The following TCF4 variants were observed in gnomAD, a reference collection of about 807,000 sequenced individuals.
The protein encoded by TCF4 is transcription factor 4.
TCF4 carries 3 observed loss-of-function variants against 82.1 expected under a neutral mutation model. The observed-to-expected ratio is 0.04, with a 90% confidence interval of 0.02 to 0.09. The LOEUF is 0.09. TCF4 is among the 10% of genes least tolerant of loss of function. The probability of loss-of-function intolerance (pLI) is 1.00; values close to 1 mark genes in which losing one functional copy is unlikely to be tolerated. For synonymous variants in TCF4, 276 were observed against 309.6 expected, an observed-to-expected ratio of 0.89 and a Z score of 1.14; for missense variants, 518 against 852.7, an observed-to-expected ratio of 0.61 and a Z score of 4.89.
chr18:55,494,111 T>A (rs917958666), intron 3 of TCF4, among the ~76,000 whole-genome samples: 19 of 151,094 alleles, frequency 1.3e-4, no homozygotes, highest in African/African-American at 4.4e-4. Context: ...ACAGCTAGAT[T>A]TTTACTTCTC....
intron 3 of TCF4, among the ~76,000 whole-genome samples, chr18:55,563,842 A>T (rs1436584281): frequency 6.6e-6 from 1 of 152,248 alleles, no homozygotes; most frequent in African/African-American, 2.4e-5. Flanking sequence ...CAAAAATTAT[A>T]ATATCATCAG....
intron 5 of TCF4, among the ~76,000 whole-genome samples, chr18:55,440,384 C>T (rs1291597381): frequency 6.6e-6 from 1 of 152,040 alleles, no homozygotes; most frequent in East Asian, 1.9e-4. Context: ...TTCTTCTCAC[C>T]CCTTGATCAC....
chr18:55,441,612 G>A (rs1434182821), intron 5 of TCF4, among the ~76,000 whole-genome samples: 1 of 152,158 alleles, frequency 6.6e-6, no homozygotes, highest in Non-Finnish European at 1.5e-5. Flanking sequence ...GCTTGAGCTA[G>A]ATGGTAGATA....
chr18:55,509,959 G>A (rs2096807278), intron 3 of TCF4, among the ~76,000 whole-genome samples: 1 of 152,166 alleles, frequency 6.6e-6, no homozygotes, highest in South Asian at 2.1e-4. Flanking sequence ...GAAAATGCCT[G>A]GGAAAATGAT....
chr18:55,567,799 C>A (rs572373268), intron 3 of TCF4, among the ~76,000 whole-genome samples: 3 of 151,950 alleles, frequency 2.0e-5, no homozygotes, highest in African/African-American at 4.8e-5. Context: ...TCTTCTGAAG[C>A]ACACAATGGA....
chr18:55,336,473 A>C (rs1473296731), intron 8 of TCF4, among the ~76,000 whole-genome samples: 1 of 152,164 alleles, frequency 6.6e-6, no homozygotes, highest in Non-Finnish European at 1.5e-5. Context: ...TGTTAAAATA[A>C]ATGGCAAATG....
At chr18:55,484,036 A>T (rs1260361321) in intron 3 of TCF4, among the ~76,000 whole-genome samples, 1 of 152,212 alleles carries the variant, frequency 6.6e-6, no homozygotes, top group Non-Finnish European at 1.5e-5. Context: ...CCTCAAGGCA[A>T]GTTATTGGAA....
chr18:55,279,409 G>T, intron 9 of TCF4, 142 bp downstream of exon 9: 1 of 1,268,788 alleles, frequency 7.9e-7, no homozygotes, highest in Non-Finnish European at 1.1e-6. Context: ...CAATTTTTAA[G>T]GAATTCAATT....
At chr18:55,321,288 T>C (rs935152483) in intron 8 of TCF4, 6 of 233,622 alleles carry the variant, frequency 2.6e-5, no homozygotes, top group African/African-American at 1.4e-4. Flanking sequence ...TTGGGCTTTC[T>C]CAATTCTGCT....
chr18:55,398,480 T>C (rs1159657066), intron 6 of TCF4, among the ~76,000 whole-genome samples: 1 of 152,088 alleles, frequency 6.6e-6, no homozygotes, highest in East Asian at 1.9e-4. Context: ...TATACAGGCC[T>C]AGAACAGTGA....
chr18:55,369,846 T>A lies in TCF4; in HGVS notation c.370-18843A>T, dbSNP rs2088428701. Among the ~76,000 whole-genome samples the A allele has an allele frequency of 2.6e-5, 4 of 152,230 alleles. No individual in the cohort carries two copies. In the South Asian group the frequency reaches 8.3e-4, roughly 32 times the overall value. ...TTTAGCTACTGCTGAAATATCAGCTTGTCAATCTGCAGAAAGGAGCTGGGC... is the reference window on the plus strand; with the variant it reads ...TTTAGCTACTGCTGAAATATCAGCTAGTCAATCTGCAGAAAGGAGCTGGGC... On this transcript the variant is annotated intron_variant, in intron 6 of 19. Transcript: ENST00000354452.
chr18:55,350,215 G>A (rs2082043081), intron 8 of TCF4, 144 bp downstream of exon 8: 1 of 805,864 alleles, frequency 1.2e-6, no homozygotes, highest in Non-Finnish European at 2.1e-6. Context: ...GTGGCTGGAT[G>A]TGCAGGTCAT....
At chr18:55,368,684 A>C (rs1413144296) in intron 6 of TCF4, among the ~76,000 whole-genome samples, 1 of 152,220 alleles carries the variant, frequency 6.6e-6, no homozygotes, top group East Asian at 1.9e-4. Context: ...AGAAGCAATA[A>C]GCCAAATCCA....
intron 3 of TCF4, among the ~76,000 whole-genome samples, chr18:55,559,159 A>C (rs1309399311): frequency 6.6e-6 from 1 of 151,826 alleles, no homozygotes; most frequent in East Asian, 1.9e-4. Context: ...GCAAAAAAAA[A>C]AAAAAAAAAG....
chr18:55,248,611 G>A (rs894536958), intron 15 of TCF4, among the ~76,000 whole-genome samples: 3 of 152,208 alleles, frequency 2.0e-5, no homozygotes, highest in African/African-American at 4.8e-5. Flanking sequence ...CATTAGTTAA[G>A]TCAGAGTAAC....
At chr18:55,603,627 A>G (rs1465988802) in intron 2 of TCF4, among the ~76,000 whole-genome samples, 1 of 152,146 alleles carries the variant, frequency 6.6e-6, no homozygotes, top group Non-Finnish European at 1.5e-5. Flanking sequence ...ACTCCTCACT[A>G]TTGTCCATAA....
intron 2 of TCF4, among the ~76,000 whole-genome samples, chr18:55,596,630 G>A (rs1189104988): frequency 6.6e-6 from 1 of 152,122 alleles, no homozygotes; most frequent in East Asian, 1.9e-4. Flanking sequence ...TGACAACAGT[G>A]ATCAGATGTG....
chr18:55,291,292 T>C (rs1286536668), intron 8 of TCF4, among the ~76,000 whole-genome samples: 1 of 152,198 alleles, frequency 6.6e-6, no homozygotes, highest in Middle Eastern at 3.2e-3. Context: ...TTCATATTTG[T>C]TAAAGATATC....
At chr18:55,329,287 G>A (rs549864409) in intron 8 of TCF4, among the ~76,000 whole-genome samples, 1 of 151,962 alleles carries the variant, frequency 6.6e-6, no homozygotes, top group Non-Finnish European at 1.5e-5. Flanking sequence ...GAATTTTAAC[G>A]ACTGAGTTTT....
Sources: gnomAD v4.1 joint callset for allele counts (sites outside exome capture counted in the v4.1 genomes callset) on GRCh38, gnomAD v4.1.1 for gene constraint, MANE v1.5 for transcripts, NCBI Gene and HGNC (gene_info 2026-07-23, HGNC 2026-07-21) for gene names.